Variants in SPHKAP observed in about 807,000 individuals in gnomAD.
The protein encoded by SPHKAP is A-kinase anchor protein SPHKAP.
SPHKAP carries 67 observed loss-of-function variants against 137.5 expected under a neutral mutation model. The observed-to-expected ratio is 0.49, with a 90% confidence interval of 0.40 to 0.60. SPHKAP has a LOEUF of 0.60. Ranked by LOEUF, SPHKAP falls within the 20% of genes least tolerant of loss-of-function variation. SPHKAP has a pLI of 0.00. For missense variants in SPHKAP, 2,097 were observed against 2,069.3 expected (o/e 1.01, Z -0.26); for synonymous variants, 813 against 785.3 (o/e 1.04, Z -0.59).
intron 3 of SPHKAP, among the ~76,000 whole-genome samples, chr2:228,041,800 G>A (rs755452913): frequency 1.3e-5 from 2 of 151,942 alleles, no homozygotes; most frequent in Admixed American, 6.6e-5. Context: ...CATGTGGAGC[G>A]GAGGACACTG....
At chr2:228,113,764 T>C (rs1257817347) in intron 2 of SPHKAP, among the ~76,000 whole-genome samples, 2 of 151,968 alleles carry the variant, frequency 1.3e-5, no homozygotes, top group Non-Finnish European at 1.5e-5. Flanking sequence ...TTAAAGCAAA[T>C]GATCTGAAGG....
chr2:228,099,043 C>T (rs59206447), intron 3 of SPHKAP, among the ~76,000 whole-genome samples: 3,506 of 152,120 alleles, frequency 0.023, 132 homozygotes, highest in African/African-American at 0.079. Context: ...TAATCAGGTC[C>T]CACTTGTCAA....
intron 7 of SPHKAP, 144 bp from the exon 8 acceptor site, chr2:227,995,838 TG>T (rs1355315250): frequency 5.5e-6 from 7 of 1,262,432 alleles, no homozygotes; most frequent in Non-Finnish European, 7.2e-6. Flanking sequence ...CTTCTGCTGG[TG>T]CCCTAGGTCC....
chr2:228,132,300 AG>A (rs1412093047), intron 1 of SPHKAP, among the ~76,000 whole-genome samples: 1 of 152,192 alleles, frequency 6.6e-6, no homozygotes, highest in Admixed American at 6.5e-5. Context: ...TGACCATGAA[AG>A]TACAGCCCAA....
At chr2:228,078,293 G>A (rs185969657) in intron 3 of SPHKAP, among the ~76,000 whole-genome samples, 49 of 151,532 alleles carry the variant, frequency 3.2e-4, no homozygotes, top group Admixed American at 3.2e-3. Context: ...ATAGTCTTGT[G>A]TTTGTCCATA....
rs748375560 is a variant in SPHKAP at position 228,019,358 on chromosome 2, G to A, written c.1496C>T (p.Ala499Val). 1.2e-5 allele frequency: 20 copies of A among 1,614,066 alleles called. No homozygotes were observed. Among genetic ancestry groups the A allele is most frequent in the East Asian group, 2.2e-5 (1 of 44,888 alleles). ...SRQPQSALEV[A>V]LACAATVIGT... ...AATCACAGTGGCTGCACAAGCTAAC[G>A]CCACTTCTAGAGCACTCTGGGGTTG... Residue 499 changes from alanine to valine, a missense_variant, in exon 7 of 12, where the codon GCG (alanine) becomes GTG (valine). Physicochemically the swap from Ala to Val is moderately conservative, Grantham distance 64. Coordinates refer to ENST00000392056, the MANE Select transcript of SPHKAP (RefSeq NM_001142644.2).
At chr2:228,007,228 C>T (rs550002498) in intron 7 of SPHKAP, among the ~76,000 whole-genome samples, 11 of 152,064 alleles carry the variant, frequency 7.2e-5, no homozygotes, top group Middle Eastern at 6.8e-3. Flanking sequence ...TTATGGGGTA[C>T]GATACAATAA....
intron 3 of SPHKAP, among the ~76,000 whole-genome samples, chr2:228,057,992 C>G (rs1280020320): frequency 6.6e-6 from 1 of 152,196 alleles, no homozygotes; most frequent in Admixed American, 6.5e-5. Context: ...TTTCTCTCCA[C>G]TCTACTCCTG....
At chr2:228,145,294 T>G (rs1335483846) in intron 1 of SPHKAP, among the ~76,000 whole-genome samples, 1 of 152,214 alleles carries the variant, frequency 6.6e-6, no homozygotes, top group Non-Finnish European at 1.5e-5. Context: ...TTTAACTACT[T>G]TAGTGGACTC....
In SPHKAP at chr2:228,135,047, G is replaced by C. The variant is rs971891292; in HGVS notation, c.33-2962C>G. The stretch of plus-strand genomic sequence containing the variant: ...CCCAGCACTTTGGGAGGCTGAGGTG[G>C]GTGGATCACCTGAGGTCGGGAGTTC... On this transcript the variant is annotated intron_variant, in intron 1 of 11. Coordinates refer to ENST00000392056, the MANE Select transcript of SPHKAP (RefSeq NM_001142644.2). Among the ~76,000 whole-genome samples, 5 of 152,286 alleles carry C rather than the reference G, an allele frequency of 3.3e-5. No homozygotes were observed. The East Asian group carries it at 7.7e-4, about 24-fold the overall frequency.
chr2:228,062,953 T>A (rs1349228540), intron 3 of SPHKAP, among the ~76,000 whole-genome samples: 2 of 152,222 alleles, frequency 1.3e-5, no homozygotes, highest in African/African-American at 4.8e-5. Context: ...AATTGCTTTT[T>A]ACAGATGGTA....
At chr2:228,022,080 A>AAT (rs2106220950) in intron 5 of SPHKAP, 114 bp from the exon 6 acceptor site, 1 of 1,360,714 alleles carries the variant, frequency 7.3e-7, no homozygotes, top group African/African-American at 1.5e-5. Flanking sequence ...GGACCTTTAA[A>AAT]ATATTTGAAA....
chr2:228,030,550 A>C lies in SPHKAP; in HGVS notation c.247-3007T>G, dbSNP rs571273453. Among the ~76,000 whole-genome samples, 19 of 82,502 alleles carry C rather than the reference A, an allele frequency of 2.3e-4. 1 individual carries two copies. The highest frequency in any genetic ancestry group is 2.8e-4 in the Admixed American group (2 of 7,236). 54.1% of individuals were successfully genotyped at this position (82,502 alleles called of 152,430 possible). On this transcript the variant is annotated intron_variant, in intron 3 of 11. Coordinates refer to ENST00000392056, the MANE Select transcript of SPHKAP (RefSeq NM_001142644.2). ...AAAAAAAACAACAAAAAACAAAAAAAAAAAAATAAAAAAATTAAAATATTC... is the reference window on the plus strand; with the variant it reads ...AAAAAAAACAACAAAAAACAAAAAACAAAAAATAAAAAAATTAAAATATTC...
At chr2:228,083,384 T>G (rs1355358583) in intron 3 of SPHKAP, among the ~76,000 whole-genome samples, 1 of 152,232 alleles carries the variant, frequency 6.6e-6, no homozygotes, top group East Asian at 1.9e-4. Flanking sequence ...GCCATTTGAC[T>G]GGTGTGAAAT....
chr2:228,018,335 CCTG>C lies in SPHKAP; in HGVS notation c.2516_2518del (p.Ala839del). On this transcript the variant is annotated inframe_deletion, in exon 7 of 12. Coordinates refer to ENST00000392056, the MANE Select transcript of SPHKAP (RefSeq NM_001142644.2). ...GTGATGAGGGCTTTTTGTATCCTCT[CCTG>C]CTATTCCTTTCAGATATATTTCCTT... The C allele has an allele frequency of 6.2e-7, 1 of 1,614,166 alleles. No homozygotes were observed. Among genetic ancestry groups the C allele is most frequent in the South Asian group, 1.1e-5 (1 of 91,082 alleles).
chr2:228,010,352 C>A (rs889917580), intron 7 of SPHKAP, among the ~76,000 whole-genome samples: 5 of 152,060 alleles, frequency 3.3e-5, no homozygotes, highest in Admixed American at 1.3e-4. Context: ...CATGGTGAAA[C>A]CCCGTCTCTA....
Position 228,025,795 on chromosome 2 carries a change from AG to A in SPHKAP, c.307-268del, listed in dbSNP as rs1435735179. On this transcript the variant is annotated intron_variant, in intron 4 of 11. Coordinates refer to ENST00000392056, the MANE Select transcript of SPHKAP (RefSeq NM_001142644.2). Reference sequence around the variant, plus strand: ...GTAAACATAAAGTAAACATTATGATAGTAATTACTATCATACCACAGGTATA... The same window carrying A: ...GTAAACATAAAGTAAACATTATGATATAATTACTATCATACCACAGGTATA... 7 of 853,420 alleles carry A rather than the reference AG, an allele frequency of 8.2e-6. No individual in the cohort carries two copies. In the Admixed American group the frequency reaches 4.4e-4, roughly 53 times the overall value. The allele number at this position is 853,420 out of a possible 1,614,324, so 52.9% of individuals were successfully genotyped here.
At position 228,041,182 on chromosome 2, in the gene SPHKAP, C is replaced by T. The variant is rs1490189027; in HGVS notation, c.247-13639G>A. Among the ~76,000 whole-genome samples the T allele has an allele frequency of 2.6e-5, 4 of 152,142 alleles. No individual in the cohort carries two copies. In the South Asian group the frequency reaches 6.2e-4, roughly 24 times the overall value. On this transcript the variant is annotated intron_variant, in intron 3 of 11. Coordinates refer to ENST00000392056, the MANE Select transcript of SPHKAP (RefSeq NM_001142644.2). ...GCAGTTTCTCTAGTGTGACTATTCT[C>T]TGTTTTCCATCAATCAGCAATTTTT... is the stretch of plus-strand genomic sequence containing the variant.
At chr2:228,088,309 TTCTA>T (rs1266980552) in intron 3 of SPHKAP, among the ~76,000 whole-genome samples, 1 of 152,170 alleles carries the variant, frequency 6.6e-6, no homozygotes, top group Non-Finnish European at 1.5e-5. Context: ...GAAGTAACAT[TTCTA>T]TCTTTCTAGA....
Sources: gnomAD v4.1 joint callset for allele counts (sites outside exome capture counted in the v4.1 genomes callset) on GRCh38, gnomAD v4.1.1 for gene constraint, MANE v1.5 for transcripts, NCBI Gene and HGNC (gene_info 2026-07-23, HGNC 2026-07-21) for gene names.